The following TOPORS variants were observed in gnomAD, a reference collection of about 807,000 sequenced individuals.
TOPORS encodes the protein E3 ubiquitin-protein ligase Topors.
A neutral mutation model predicts 81.4 loss-of-function variants in TOPORS; 25 were observed. The ratio of observed to expected loss-of-function variants is 0.31; its 90% CI spans 0.22 to 0.43. TOPORS has a LOEUF of 0.43. Among genes scored for constraint, TOPORS ranks in the 20% least tolerant of loss-of-function variants. The pLI, the probability that TOPORS is intolerant of heterozygous loss-of-function variation, is 1.00. For synonymous variants in TOPORS, 473 were observed against 456.6 expected (o/e 1.04, Z -0.46); for missense variants, 1,101 against 1,267.0 (o/e 0.87, Z 1.99).
chr9:32,543,341 G>A lies in TOPORS; in HGVS notation c.1184C>T (p.Ser395Phe). Residue 395 changes from serine (S) to phenylalanine (F), a missense_variant, in exon 3 of 3, where the codon TCT (serine) becomes TTT (phenylalanine). Transcript: ENST00000360538. This position sits in a 1 kb window ranked among gnomAD's most constrained non-coding sequence, Gnocchi z 5.6. ...SHSDSSVITI[S>F]PDEAETQELD... ...CTCTTGGGTCTCAGCCTCATCTGGA[G>A]ATATTGTTATGACTGAAGAATCAGA... 6.2e-7 allele frequency: 1 copy of A among 1,614,114 alleles called. No individual in the cohort carries two copies. The highest frequency in any genetic ancestry group is 1.1e-5 in the South Asian group (1 of 91,082).
intron 2 of TOPORS, among the ~76,000 whole-genome samples, chr9:32,547,589 A>C (rs921109182): frequency 6.6e-6 from 1 of 152,252 alleles, no homozygotes; most frequent in Admixed American, 6.5e-5. Flanking sequence ...ATGAATGAAA[A>C]AAAAAATTCA....
In TOPORS at chr9:32,552,401, G is replaced by T. The variant is rs766145689; in HGVS notation, c.3+33C>A. On this transcript the variant is annotated intron_variant, in intron 1 of 2. Coordinates refer to ENST00000360538, the MANE Select transcript of TOPORS (RefSeq NM_005802.5). Reference sequence around the variant, plus strand: ...GGTTACTGTAAGGCCCGCAGCTCCCGCCAGCTCCCGCGGACTGCTGCCGCC... The same window carrying T: ...GGTTACTGTAAGGCCCGCAGCTCCCTCCAGCTCCCGCGGACTGCTGCCGCC... The T allele has an allele frequency of 3.3e-5, 53 of 1,605,786 alleles. No individual in the cohort carries two copies. The South Asian group carries it at 5.3e-4, about 16-fold the overall frequency.
At position 32,552,572 on chromosome 9, in the gene TOPORS, A is replaced by G. The variant is rs180828616; in HGVS notation, c.-136T>C. On this transcript the variant is annotated 5_prime_UTR_variant, in exon 1 of 3. Transcript: ENST00000360538. ...TTCTTCAGCACCCAGAAACTCCAAA[A>G]TCCATTCCTGAATTAAGCATTTCAC... 188 of 1,123,358 alleles carry G rather than the reference A, an allele frequency of 1.7e-4. 1 individual carries two copies. The African/African-American group carries it at 2.5e-3, about 15-fold the overall frequency. The allele number at this position is 1,123,358 out of a possible 1,614,324, so 69.6% of individuals were successfully genotyped here. A position where few individuals can be genotyped will look rare whatever the true frequency, so the allele number is the denominator to read the frequency against.
rs532105099 is a variant in TOPORS at position 32,552,519 on chromosome 9, A to T, written c.-83T>A. 3 of 1,552,884 alleles carry T rather than the reference A, an allele frequency of 1.9e-6. No individual in the cohort carries two copies. The African/African-American group carries it at 4.1e-5, about 21-fold the overall frequency. On this transcript the variant is annotated 5_prime_UTR_variant, in exon 1 of 3. Transcript: ENST00000360538. ...TCGCGGGCCCCCACCGTGTCGACTC[A>T]CTGGGCCCGCAGGCGGAAAGGCCCT...
intron 2 of TOPORS, 60 bp downstream of exon 2, chr9:32,550,714 G>T: frequency 6.3e-7 from 1 of 1,592,586 alleles, no homozygotes; most frequent in Non-Finnish European, 8.6e-7. Flanking sequence ...CTCCAGGCGG[G>T]AGCGCCAACT....
intron 2 of TOPORS, among the ~76,000 whole-genome samples, chr9:32,545,385 C>T (rs941841630): frequency 6.6e-6 from 1 of 150,816 alleles, no homozygotes; most frequent in Non-Finnish European, 1.5e-5. Context: ...CAAAACTTTG[C>T]TAGAGCTTGA....
chr9:32,549,444 T>G (rs1369439343), intron 2 of TOPORS, among the ~76,000 whole-genome samples: 1 of 152,250 alleles, frequency 6.6e-6, no homozygotes, highest in African/African-American at 2.4e-5. Flanking sequence ...CACCACTTAG[T>G]AGGTGTGTAA....
In TOPORS at chr9:32,541,258, T is replaced by A. The variant is rs1305660350; in HGVS notation, c.*129A>T. On this transcript the variant is annotated 3_prime_UTR_variant, in exon 3 of 3. Transcript: ENST00000360538. ...TTACAAATTAACACCAAAAAAAAAATCATTTAAAATATTGTAAGGAGGAAG... is the reference window on the plus strand; with the variant it reads ...TTACAAATTAACACCAAAAAAAAAAACATTTAAAATATTGTAAGGAGGAAG... The A allele has an allele frequency of 3.3e-6, 3 of 918,080 alleles. No individual in the cohort carries two copies. Among genetic ancestry groups the A allele is most frequent in the Non-Finnish European group, 3.2e-6 (2 of 618,768 alleles). The allele number at this position is 918,080 out of a possible 1,614,324, so 56.9% of individuals were successfully genotyped here. A position where few individuals can be genotyped will look rare whatever the true frequency, so the allele number is the denominator to read the frequency against.
In TOPORS at chr9:32,543,079, C is replaced by T. The variant is rs1295047264; in HGVS notation, c.1446G>A (p.Gly482=). The T allele has an allele frequency of 6.2e-7, 1 of 1,614,176 alleles. No homozygotes were observed. Among genetic ancestry groups the T allele is most frequent in the Admixed American group, 1.7e-5 (1 of 60,024 alleles). Residue 482 remains glycine (G), a synonymous_variant, in exon 3 of 3, where the codon GGG becomes GGA. Transcript: ENST00000360538. The surrounding 1 kb of genome is among the most constrained non-coding windows in gnomAD (Gnocchi z 5.6). ...TCCTCTCAGCTAGTGGTTTAACAAA[C>T]CCAACAATGACACAATTATCTGAAG... ...DDSSDNCVIV[G]FVKPLAERTP...
At position 32,541,205 on chromosome 9, in the gene TOPORS, G is replaced by A; in HGVS notation, c.*182C>T. ...TAAAAGTGCATATCTTTGAGGGTGG[G>A]ACATACATTTTGAACAAATAATGAT... On this transcript the variant is annotated 3_prime_UTR_variant, in exon 3 of 3. Transcript: ENST00000360538. 1 of 606,352 alleles carries A rather than the reference G, an allele frequency of 1.6e-6. No homozygotes were observed. Among genetic ancestry groups the A allele is most frequent in the Admixed American group, 2.9e-5 (1 of 34,090 alleles). The allele number at this position is 606,352 out of a possible 1,614,324, so 37.6% of individuals were successfully genotyped here. A position where few individuals can be genotyped will look rare whatever the true frequency, so the allele number is the denominator to read the frequency against.
intron 2 of TOPORS, among the ~76,000 whole-genome samples, chr9:32,546,094 A>AG (rs1261841282): frequency 6.6e-6 from 1 of 152,198 alleles, no homozygotes; most frequent in Non-Finnish European, 1.5e-5. Flanking sequence ...GCGTTTCTTC[A>AG]GGGGTCCAGG....
At chr9:32,548,468 G>C (rs1365130492) in intron 2 of TOPORS, among the ~76,000 whole-genome samples, 1 of 152,034 alleles carries the variant, frequency 6.6e-6, no homozygotes, top group Non-Finnish European at 1.5e-5. Context: ...GGAGGTTGCA[G>C]TGAGCCGAGA....
Position 32,544,281 on chromosome 9 carries a change from G to A in TOPORS, c.244C>T (p.Pro82Ser), listed in dbSNP as rs1254428758. ...TGCAATTTGCTAGTGCCAGCTTTAG[G>A]TGAAAAGTTGTCCATTTTAAATTCC... is the stretch of plus-strand genomic sequence containing the variant. ...AKEFKMDNFS[P>S]KAGTSKLQQT... The change falls in exon 3 of 3, where the codon CCT (proline) becomes TCT (serine). Residue 82 changes from proline (P) to serine (S), a missense_variant. By Grantham distance (74) the Pro-to-Ser change is moderately conservative. Transcript: ENST00000360538. 6.2e-7 allele frequency: 1 copy of A among 1,604,108 alleles called. No homozygotes were observed. Among genetic ancestry groups the A allele is most frequent in the Non-Finnish European group, 8.5e-7 (1 of 1,179,958 alleles).
Position 32,541,536 on chromosome 9 carries a change from C to G in TOPORS, c.2989G>C (p.Asp997His), listed in dbSNP as rs918865207. 1 of 1,614,130 alleles carries G rather than the reference C, an allele frequency of 6.2e-7. No homozygotes were observed. Among genetic ancestry groups the G allele is most frequent in the South Asian group, 1.1e-5 (1 of 91,080 alleles). ...ACAAAGGTGCTCTCTTCTCTTACAT[C>G]GAGAGTTTGTTCAACTGAAGCTGCC... ...PLAASVEQTL[D>H]VREESTFVSD... The change falls in exon 3 of 3, where the codon GAT becomes CAT. Residue 997 changes from aspartate (D) to histidine (H), a missense_variant. Physicochemically the swap from Asp to His is moderately conservative, Grantham distance 81. Transcript: ENST00000360538.
chr9:32,551,250 A>C (rs1821251268), intron 1 of TOPORS: 1 of 574,374 alleles, frequency 1.7e-6, no homozygotes, highest in Non-Finnish European at 3.1e-6. Flanking sequence ...ACTTACCCGG[A>C]AAACACGAGA....
Position 32,541,563 on chromosome 9 carries a change from G to C in TOPORS, c.2962C>G (p.Leu988Val). 1.9e-6 allele frequency: 3 copies of C among 1,614,204 alleles called. No homozygotes were observed. Among genetic ancestry groups the C allele is most frequent in the Non-Finnish European group, 2.5e-6 (3 of 1,180,020 alleles). Residue 988 changes from leucine to valine, a missense_variant, in exon 3 of 3, where the codon CTG (leucine) becomes GTG (valine). Leu to Val is a conservative substitution (Grantham distance 32). Coordinates refer to ENST00000360538, the MANE Select transcript of TOPORS (RefSeq NM_005802.5). ...ANKTVDNIPP[L>V]AASVEQTLDV... ...AGAGTTTGTTCAACTGAAGCTGCCA[G>C]AGGTGGAATATTATCTACAGTTTTG...
rs199942543 is a variant in TOPORS at position 32,550,823 on chromosome 9, C to T, written c.149G>A (p.Arg50Gln). ...CRHRPSFLGC[R>Q]ELAASAPARP... ...GGCTGGGGCGCTCGCCGCGAGCTCC[C>T]GGCAGCCCAGAAAGCTAGGTCGGTG... Residue 50 changes from arginine (R) to glutamine (Q), a missense_variant, in exon 2 of 3, where the codon CGG becomes CAG. By Grantham distance (43) the Arg-to-Gln change is conservative (BLOSUM62 1). Coordinates refer to ENST00000360538, the MANE Select transcript of TOPORS (RefSeq NM_005802.5). The T allele has an allele frequency of 1.2e-5, 20 of 1,612,770 alleles. No homozygotes were observed. In the Admixed American group the frequency reaches 1.3e-4, roughly 11 times the overall value.
At position 32,543,576 on chromosome 9, in the gene TOPORS, T is replaced by C; in HGVS notation, c.949A>G (p.Ile317Val). 6.2e-7 allele frequency: 1 copy of C among 1,613,296 alleles called. No homozygotes were observed. The change falls in exon 3 of 3, where the codon ATT (isoleucine) becomes GTT (valine). Residue 317 changes from isoleucine (I) to valine (V), a missense_variant. By Grantham distance (29) the Ile-to-Val change is conservative. Transcript: ENST00000360538. This position sits in a 1 kb window ranked among gnomAD's most constrained non-coding sequence, Gnocchi z 5.6. ...LFGAHGSLVN[I>V]VQHIIMSNVT... ...TTACTCATGATAATATGCTGGACAA[T>C]ATTCACTAAAGATCCATGAGCTCCA...
chr9:32,550,850 C>G lies in TOPORS; in HGVS notation c.122G>C (p.Arg41Pro). ...GCAGCCCAGAAAGCTAGGTCGGTGT[C>G]GGCAGGATCCGCGAAGGCGTACCCG... ...SRRVRLRGSC[R>P]HRPSFLGCRE... Residue 41 changes from arginine to proline, a missense_variant, in exon 2 of 3, where the codon CGA becomes CCA. Arg to Pro is a moderately radical substitution (Grantham distance 103). Around this residue, in one of 9 missense-constraint regions of TOPORS, gnomAD observed 131 missense variants for 101.0 expected, o/e 1.30. Transcript: ENST00000360538. 3.7e-6 allele frequency: 6 copies of G among 1,612,966 alleles called. No individual in the cohort carries two copies. Among genetic ancestry groups the G allele is most frequent in the Non-Finnish European group, 5.1e-6 (6 of 1,179,786 alleles).
Sources: gnomAD v4.1 joint callset for allele counts (sites outside exome capture counted in the v4.1 genomes callset) on GRCh38, gnomAD v4.1.1 for gene constraint, gnomAD v4.1.1 regional missense constraint, Gnocchi (gnomAD v3.1) non-coding constraint, MANE v1.5 for transcripts, NCBI Gene and HGNC (gene_info 2026-07-23, HGNC 2026-07-21) for gene names.